The following NUP210L variants were observed in gnomAD, a reference collection of about 807,000 sequenced individuals.
NUP210L encodes nuclear pore membrane glycoprotein 210-like.
NUP210L carries 74 observed loss-of-function variants against 208.5 expected under a neutral mutation model. That is an observed-to-expected ratio of 0.35 (90% CI 0.29 to 0.43). The LOEUF is 0.43. Among genes scored for constraint, NUP210L ranks in the 20% least tolerant of loss-of-function variants. The pLI is 1.00. For missense variants in NUP210L, 1,843 were observed against 2,289.4 expected, an observed-to-expected ratio of 0.81 and a Z score of 3.98; for synonymous variants, 780 against 816.9, an observed-to-expected ratio of 0.95 and a Z score of 0.77.
At chr1:154,028,449 T>G (rs1652026152) in intron 28 of NUP210L, among the ~76,000 whole-genome samples, 2 of 151,954 alleles carry the variant, frequency 1.3e-5, no homozygotes, top group African/African-American at 4.8e-5. Context: ...TAGCCAGGCA[T>G]GGTGGCGCAT....
intron 10 of NUP210L, among the ~76,000 whole-genome samples, chr1:154,124,391 G>A (rs1657777855): frequency 6.6e-6 from 1 of 152,092 alleles, no homozygotes; most frequent in East Asian, 1.9e-4. Flanking sequence ...GTTTGGGAGA[G>A]GAAAGCAGGT....
At chr1:154,032,972 A>AG (rs1652327959) in intron 27 of NUP210L, among the ~76,000 whole-genome samples, 1 of 151,310 alleles carries the variant, frequency 6.6e-6, no homozygotes, top group African/African-American at 2.4e-5. Context: ...AGAAAAGAAA[A>AG]GAAAAGAAAA....
Position 154,023,115 on chromosome 1 carries a change from T to A in NUP210L, c.4298+7A>T. ...TAGTGTCAATACCATTCCTTTGACT[T>A]CCATACCTGTTCAGAGCCAGATAAA... On this transcript the variant is annotated splice_region_variant and intron_variant, in intron 31 of 39. Coordinates refer to ENST00000368559, the Ensembl canonical transcript of NUP210L. 1.2e-6 allele frequency: 2 copies of A among 1,612,632 alleles called. No homozygotes were observed. Among genetic ancestry groups the A allele is most frequent in the Non-Finnish European group, 1.7e-6 (2 of 1,178,972 alleles).
At chr1:153,999,732 C>T (rs1440339571) in intron 37 of NUP210L, among the ~76,000 whole-genome samples, 3 of 67,862 alleles carry the variant, frequency 4.4e-5, no homozygotes, top group African/African-American at 2.1e-4. Context: ...GCAAGACTCT[C>T]TCAAAAAAAA....
At chr1:154,032,232 G>A (rs993766004) in intron 27 of NUP210L, among the ~76,000 whole-genome samples, 1 of 152,148 alleles carries the variant, frequency 6.6e-6, no homozygotes, top group Admixed American at 6.6e-5. Context: ...CAGTGGGATT[G>A]TTGGGATCAT....
intron 16 of NUP210L, among the ~76,000 whole-genome samples, chr1:154,083,935 C>T (rs1571253409): frequency 6.6e-6 from 1 of 151,556 alleles, no homozygotes; most frequent in Admixed American, 6.6e-5. Flanking sequence ...TGCAGCTGTG[C>T]TGTGTTCAGT....
At chr1:154,022,266 A>C (rs1440061599) in exon 32 of NUP210L, 1 of 1,614,160 alleles carries the variant, frequency 6.2e-7, no homozygotes, top group Non-Finnish European at 8.5e-7. Context: ...AAGCCCCACA[A>C]GTGTCAGCCC....
rs71584164 is a variant in NUP210L, at chr1:154,015,906, C to CAATAAATA, written c.4653+3019_4653+3026dup. Among the ~76,000 whole-genome samples the CAATAAATA allele has an allele frequency of 7.2e-3, 966 of 133,938 alleles. 9 individuals are homozygous for CAATAAATA. Among genetic ancestry groups the CAATAAATA allele is most frequent in the Middle Eastern group, 0.018 (5 of 278 alleles). The allele number at this position is 133,938 out of a possible 152,430, so 87.9% of individuals were successfully genotyped here. On this transcript the variant is annotated intron_variant, in intron 33 of 39. Transcript: ENST00000368559. ...TGGGTGACACAGCAAGACCCTGTCT[C>CAATAAATA]AATAAATAAATAAATAAATAAATAA...
chr1:154,061,611 C>G (rs1248383089), exon 18 of NUP210L: 1 of 1,603,834 alleles, frequency 6.2e-7, no homozygotes, highest in Non-Finnish European at 8.5e-7. Context: ...CTCTGAATAG[C>G]CCACAAAATT....
chr1:154,004,511 G>A (rs754606956), intron 35 of NUP210L, among the ~76,000 whole-genome samples: 8 of 152,028 alleles, frequency 5.3e-5, no homozygotes, highest in South Asian at 2.1e-4. Flanking sequence ...GGGATTACAG[G>A]TGCCCTACTA....
At chr1:154,013,573 C>CA (rs141941595) in intron 33 of NUP210L, among the ~76,000 whole-genome samples, 38 of 150,450 alleles carry the variant, frequency 2.5e-4, no homozygotes, top group Non-Finnish European at 4.0e-4. Context: ...GACTCCATCT[C>CA]AAAAAAACAA....
chr1:154,077,414 C>A (rs1655093961), intron 16 of NUP210L, among the ~76,000 whole-genome samples: 1 of 151,466 alleles, frequency 6.6e-6, no homozygotes, highest in African/African-American at 2.4e-5. Flanking sequence ...AAAAAGACTG[C>A]CAGCCAACAA....
intron 35 of NUP210L, among the ~76,000 whole-genome samples, chr1:154,002,639 A>G (rs951067278): frequency 1.3e-5 from 2 of 151,712 alleles, no homozygotes; most frequent in Non-Finnish European, 2.9e-5. Flanking sequence ...AAAAAATTAT[A>G]TTTTTTATAG....
chr1:154,112,788 G>A lies in NUP210L; in HGVS notation c.1620+4937C>T, dbSNP rs541716943. Among the ~76,000 whole-genome samples the A allele has an allele frequency of 2.6e-5, 4 of 151,894 alleles. No individual in the cohort carries two copies. The South Asian group carries it at 6.2e-4, about 24-fold the overall frequency. The stretch of plus-strand genomic sequence containing the variant: ...GGAAGATTGGATGAGACCAGGAGGC[G>A]GAGGTTGCAGTGAGCTGAGGTTGCA... On this transcript the variant is annotated intron_variant, in intron 12 of 39. Coordinates refer to ENST00000368559, the Ensembl canonical transcript of NUP210L.
chr1:154,117,616 G>T, intron 12 of NUP210L, 109 bp downstream of exon 12: 3 of 830,334 alleles, frequency 3.6e-6, no homozygotes, highest in Non-Finnish European at 5.6e-6. Context: ...CTGAATGTGA[G>T]TAATATTTTT....
At position 154,058,468 on chromosome 1, in the gene NUP210L, A is replaced by G. The variant is rs372406276; in HGVS notation, c.2979+97T>C. On this transcript the variant is annotated intron_variant, in intron 21 of 39. Coordinates refer to ENST00000368559, the Ensembl canonical transcript of NUP210L. ...CATTAACATTACCAGAAGTCCTGGT[A>G]TACACACACAGTAGCTGAGCAGAGA... The G allele has an allele frequency of 2.9e-6, 4 of 1,374,154 alleles. No individual in the cohort carries two copies. In the African/African-American group the frequency reaches 5.8e-5, roughly 20 times the overall value. 85.1% of individuals were successfully genotyped at this position (1,374,154 alleles called of 1,614,324 possible).
At chr1:154,039,436 A>G in intron 27 of NUP210L, among the ~76,000 whole-genome samples, 1 of 151,946 alleles carries the variant, frequency 6.6e-6, no homozygotes, top group African/African-American at 2.4e-5. Flanking sequence ...GGGTTTCACC[A>G]TGTTGGCTAG....
At chr1:153,993,463 G>C (rs1037364534) in intron 38 of NUP210L, among the ~76,000 whole-genome samples, 10 of 152,038 alleles carry the variant, frequency 6.6e-5, no homozygotes, top group Non-Finnish European at 1.5e-4. Flanking sequence ...CTACTCAGGA[G>C]GCTGAGGCAG....
chr1:154,064,544 G>A (rs1185295838), intron 17 of NUP210L, among the ~76,000 whole-genome samples: 2 of 152,042 alleles, frequency 1.3e-5, no homozygotes, highest in East Asian at 3.9e-4. Context: ...GACGAGGTTA[G>A]GTCTCCCTGA....
Sources: allele counts gnomAD v4.1 joint callset (sites outside exome capture counted in the v4.1 genomes callset), GRCh38; gene constraint gnomAD v4.1.1; transcripts MANE v1.5; gene names NCBI Gene and HGNC (gene_info 2026-07-23, HGNC 2026-07-21).